Variants in FAM193A observed in about 807,000 individuals in gnomAD.
The protein encoded by FAM193A is family with sequence similarity 193 member A.
FAM193A carries 22 observed loss-of-function variants against 126.5 expected under a neutral mutation model. The observed-to-expected ratio is 0.17, with a 90% CI of 0.12 to 0.25. The LOEUF (loss-of-function observed/expected upper bound fraction) is 0.25, where lower values mean the gene tolerates loss of function less well. FAM193A is among the 10% of genes least tolerant of loss of function. The pLI, the probability that FAM193A is intolerant of heterozygous loss-of-function variation, is 1.00. For synonymous variants in FAM193A, 761 were observed against 646.8 expected (o/e 1.18, Z -2.68); for missense variants, 1,675 against 1,672.8 (o/e 1.00, Z -0.02).
intron 1 of FAM193A, among the ~76,000 whole-genome samples, chr4:2,592,692 G>A (rs1740638895): frequency 6.6e-6 from 1 of 152,202 alleles, no homozygotes; most frequent in African/African-American, 2.4e-5. Flanking sequence ...AGGAGGCTGA[G>A]TTGAGACTTT....
chr4:2,674,896 G>A (rs949270265), intron 13 of FAM193A, among the ~76,000 whole-genome samples: 2 of 151,606 alleles, frequency 1.3e-5, no homozygotes, highest in Non-Finnish European at 2.9e-5. Flanking sequence ...CTGTTTTCAA[G>A]TGTCTCCATA....
chr4:2,573,455 G>C (rs1739407384), intron 1 of FAM193A, among the ~76,000 whole-genome samples: 1 of 151,478 alleles, frequency 6.6e-6, no homozygotes, highest in Non-Finnish European at 1.5e-5. Context: ...GGAGGTTGCA[G>C]TGAGCTGAGA....
intron 12 of FAM193A, among the ~76,000 whole-genome samples, chr4:2,665,500 T>C (rs1328859561): frequency 2.0e-5 from 3 of 152,218 alleles, no homozygotes; most frequent in Admixed American, 1.3e-4. Flanking sequence ...CTCTTTTCTT[T>C]TTCTTTCCTT....
intron 2 of FAM193A, among the ~76,000 whole-genome samples, chr4:2,603,031 C>G (rs1276902033): frequency 7.4e-6 from 1 of 135,048 alleles, no homozygotes; most frequent in Non-Finnish European, 1.5e-5. Flanking sequence ...TGCAGTGGCG[C>G]CATCTCAGCT....
chr4:2,581,268 T>TC (rs1739919369), intron 1 of FAM193A, among the ~76,000 whole-genome samples: 2 of 150,920 alleles, frequency 1.3e-5, no homozygotes, highest in Admixed American at 1.3e-4. Context: ...TTTTTTTTTT[T>TC]TTGGAGGTGG....
chr4:2,628,480 A>G (rs1743199303), intron 4 of FAM193A, among the ~76,000 whole-genome samples: 2 of 151,986 alleles, frequency 1.3e-5, no homozygotes, highest in Non-Finnish European at 1.5e-5. Flanking sequence ...TACACAAAAT[A>G]AAAAAAATTA....
At chr4:2,728,895 A>ATTTTTTTTTTTTTT (rs1491485597) in intron 20 of FAM193A, among the ~76,000 whole-genome samples, 5 of 105,710 alleles carry the variant, frequency 4.7e-5, no homozygotes. Context: ...CACCTCCAAA[A>ATTTTTTTTTTTTTT]CTTTTTTTTT....
chr4:2,708,903 G>A (rs755133194), intron 19 of FAM193A, among the ~76,000 whole-genome samples: 2 of 151,802 alleles, frequency 1.3e-5, no homozygotes, highest in Non-Finnish European at 1.5e-5. Context: ...CAATTCTTAC[G>A]CCTCTAATTG....
rs541269278 is a variant in FAM193A at position 2,715,886 on chromosome 4, C to T, written c.4373-137C>T. 4.2e-5 allele frequency: 28 copies of T among 672,344 alleles called. No homozygotes were observed. In the East Asian group the frequency reaches 6.8e-4, roughly 16 times the overall value. The allele number at this position is 672,344 out of a possible 1,614,324, so 41.6% of individuals were successfully genotyped here. On this transcript the variant is annotated intron_variant, in intron 19 of 20. Coordinates refer to ENST00000637812, the MANE Select transcript of FAM193A (RefSeq NM_001366318.2). ...CATAAGCACACCAAAGAGATCTGTCCTCTAAAATCTCATTTTAGAAAAAAT... is the reference window on the plus strand; with the variant it reads ...CATAAGCACACCAAAGAGATCTGTCTTCTAAAATCTCATTTTAGAAAAAAT...
In FAM193A at chr4:2,639,763, T is replaced by G. The variant is rs756747154; in HGVS notation, c.1067T>G (p.Val356Gly). Reference protein sequence around the residue: ...LENEHLKKFQVTWELHNKHLF... With the variant: ...LENEHLKKFQGTWELHNKHLF... ...AATGAACACTTGAAAAAGTTCCAAG[T>G]GACGTGGGAACTGCATAATAAACAC... The change falls in exon 6 of 21, where the codon GTG becomes GGG. Residue 356 changes from valine to glycine, a missense_variant. This residue lies in a region of FAM193A where 1,186 missense variants were observed against 1,109.2 expected (regional missense o/e 1.07). Coordinates refer to ENST00000637812, the MANE Select transcript of FAM193A (RefSeq NM_001366318.2). 6.2e-7 allele frequency: 1 copy of G among 1,612,566 alleles called. No individual in the cohort carries two copies. Among genetic ancestry groups the G allele is most frequent in the Non-Finnish European group, 8.5e-7 (1 of 1,179,140 alleles).
At chr4:2,697,151 C>T (rs1717134812) in intron 18 of FAM193A, among the ~76,000 whole-genome samples, 1 of 152,206 alleles carries the variant, frequency 6.6e-6, no homozygotes, top group South Asian at 2.1e-4. Flanking sequence ...GAGCAGTTCC[C>T]TCCTTACCAG....
intron 2 of FAM193A, among the ~76,000 whole-genome samples, chr4:2,606,299 C>G (rs534285559): frequency 2.0e-5 from 3 of 152,076 alleles, no homozygotes; most frequent in Non-Finnish European, 4.4e-5. Flanking sequence ...ATCCACCCAC[C>G]TCTGTCTCCC....
At chr4:2,565,635 G>A (rs1435576169) in intron 1 of FAM193A, among the ~76,000 whole-genome samples, 1 of 152,172 alleles carries the variant, frequency 6.6e-6, no homozygotes, top group Non-Finnish European at 1.5e-5. Flanking sequence ...AGATTCTTGG[G>A]TAGGGCAGGA....
chr4:2,565,321 G>A (rs923006577), intron 1 of FAM193A, among the ~76,000 whole-genome samples: 2 of 135,148 alleles, frequency 1.5e-5, no homozygotes, highest in Admixed American at 1.7e-4. Flanking sequence ...GTGCAGTGGT[G>A]CGATTTCAGT....
chr4:2,664,558 CTTTTTTTTTTTTTTTT>C (rs33958851), intron 12 of FAM193A, among the ~76,000 whole-genome samples: 1 of 73,074 alleles, frequency 1.4e-5, no homozygotes, highest in Non-Finnish European at 2.6e-5. Flanking sequence ...TATTTTCTTT[CTTTTTTTTTTTTTTTT>C]TTTTTTTTTT....
At chr4:2,613,060 A>C (rs1487314684) in intron 2 of FAM193A, among the ~76,000 whole-genome samples, 3 of 152,204 alleles carry the variant, frequency 2.0e-5, no homozygotes, top group South Asian at 2.1e-4. Flanking sequence ...ATATGGTATA[A>C]CTCTTCATTT....
At chr4:2,628,842 G>A (rs1743241708) in intron 4 of FAM193A, among the ~76,000 whole-genome samples, 1 of 144,778 alleles carries the variant, frequency 6.9e-6, no homozygotes, top group Non-Finnish European at 1.5e-5. Flanking sequence ...TCAGCATATT[G>A]CTGTCTCTCT....
chr4:2,614,062 C>A (rs749061186), intron 2 of FAM193A, among the ~76,000 whole-genome samples: 1 of 152,174 alleles, frequency 6.6e-6, no homozygotes, highest in Non-Finnish European at 1.5e-5. Flanking sequence ...CCTGAGCCAC[C>A]GCACCCGGCC....
At chr4:2,593,274 A>G (rs1025560443) in intron 1 of FAM193A, among the ~76,000 whole-genome samples, 1 of 151,728 alleles carries the variant, frequency 6.6e-6, no homozygotes, top group Admixed American at 6.6e-5. Context: ...GTTTCTTCCC[A>G]TTGTCCCATC....
Sources: gnomAD v4.1 joint callset for allele counts (sites outside exome capture counted in the v4.1 genomes callset) on GRCh38, gnomAD v4.1.1 for gene constraint, gnomAD v4.1.1 regional missense constraint, MANE v1.5 for transcripts, NCBI Gene and HGNC (gene_info 2026-07-23, HGNC 2026-07-21) for gene names.